Variants in CNBP observed in about 807,000 individuals in gnomAD.
The protein encoded by CNBP is CCHC-type zinc finger nucleic acid binding protein, also known as cellular nucleic acid-binding protein.
CNBP carries 6 observed loss-of-function variants against 21.2 expected under a neutral mutation model. The ratio of observed to expected loss-of-function variants is 0.28; its 90% confidence interval spans 0.16 to 0.56. The LOEUF is 0.56. Among genes scored for constraint, CNBP ranks in the 20% least tolerant of loss-of-function variants. The probability of loss-of-function intolerance (pLI) is 0.93; values close to 1 mark genes in which losing one functional copy is unlikely to be tolerated. For missense variants in CNBP, 112 were observed against 233.1 expected (o/e 0.48, Z 3.38); for synonymous variants, 61 against 74.9 (o/e 0.81, Z 0.96).
rs1201332172 is a variant in CNBP at position 129,170,552 on chromosome 3, A to G, written c.435T>C (p.His145=). ...TTGTCTTGCTGCAGTTGATGGCTACATGACCAGTTTCACCACACCTAAAAA... is the reference window on the plus strand; with the variant it reads ...TTGTCTTGCTGCAGTTGATGGCTACGTGACCAGTTTCACCACACCTAAAAA... ...VKCYRCGETG[H]VAINCSKTSE... is the part of the protein sequence containing the mutation. Residue 145 remains histidine (H), a synonymous_variant, in exon 5 of 5, where the codon CAT becomes CAC. Transcript: ENST00000422453. 6.8e-6 allele frequency: 11 copies of G among 1,614,208 alleles called. No individual in the cohort carries two copies. The highest frequency in any genetic ancestry group is 5.3e-5 in the African/African-American group (4 of 75,066).
At position 129,169,171 on chromosome 3, in the gene CNBP, G is replaced by A. The variant is rs1355166578; in HGVS notation, c.*1282C>T. 3.9e-5 allele frequency among the ~76,000 whole-genome samples: 6 copies of A among 152,100 alleles called. No homozygotes were observed. The East Asian group carries it at 1.2e-3, about 29-fold the overall frequency. ...TAGCGGGGGGTGGTGGCGGGTGCCT[G>A]TAATCCCAGCTACTCAGGAGGCTGA... On this transcript the variant is annotated 3_prime_UTR_variant, in exon 5 of 5. Coordinates refer to ENST00000422453, the MANE Select transcript of CNBP (RefSeq NM_003418.5).
rs1428868785 is a variant in CNBP, at chr3:129,183,862, G to A, written c.-101C>T. The A allele has an allele frequency of 6.5e-6, 1 of 152,808 alleles. No homozygotes were observed. Among genetic ancestry groups the A allele is most frequent in the Non-Finnish European group, 1.5e-5 (1 of 68,168 alleles). The allele number at this position is 152,808 out of a possible 1,614,324, so 9.5% of individuals were successfully genotyped here. A position where few individuals can be genotyped will look rare whatever the true frequency, so the allele number is the denominator to read the frequency against. ...TCGCAAGGTAGAGGCTGTTTATTTT[G>A]AGGGTCCTTGCCTGCGCCACACGCG... On this transcript the variant is annotated 5_prime_UTR_variant, in exon 1 of 5. Coordinates refer to ENST00000422453, the MANE Select transcript of CNBP (RefSeq NM_003418.5).
Position 129,172,596 on chromosome 3 carries a change from G to C in CNBP, c.-14-825C>G, listed in dbSNP as rs569356364. Among the ~76,000 whole-genome samples, 6 of 34,328 alleles carry C rather than the reference G, an allele frequency of 1.7e-4. No individual in the cohort carries two copies. The Admixed American group carries it at 1.8e-3, about 10-fold the overall frequency. The allele number at this position is 34,328 out of a possible 152,430, so 22.5% of individuals were successfully genotyped here. A position where few individuals can be genotyped will look rare whatever the true frequency, so the allele number is the denominator to read the frequency against. On this transcript the variant is annotated intron_variant, in intron 1 of 4. Transcript: ENST00000422453. ...GACAGACAGGCAGGCAGGCAGGCAG[G>C]CAGGCAGGCAGACAGGCAGACAGGC...
intron 1 of CNBP, among the ~76,000 whole-genome samples, chr3:129,177,455 G>T (rs1000546342): frequency 2.5e-4 from 38 of 152,182 alleles, no homozygotes; most frequent in African/African-American, 9.2e-4. Flanking sequence ...TAATAAAACT[G>T]ATGTGTGTGG....
intron 1 of CNBP, among the ~76,000 whole-genome samples, chr3:129,180,983 T>C (rs1259495788): frequency 6.6e-6 from 1 of 151,964 alleles, no homozygotes; most frequent in Non-Finnish European, 1.5e-5. Flanking sequence ...CTCAGGCCTG[T>C]AATCCCAGCA....
intron 1 of CNBP, among the ~76,000 whole-genome samples, chr3:129,182,494 C>T (rs533259380): frequency 2.0e-5 from 3 of 152,204 alleles, no homozygotes; most frequent in African/African-American, 7.2e-5. Context: ...CAAGCCTTAC[C>T]CATAATAAAA....
At chr3:129,171,911 G>T in intron 1 of CNBP, 140 bp from the exon 2 acceptor site, 2 of 943,456 alleles carry the variant, frequency 2.1e-6, no homozygotes, top group South Asian at 1.8e-5. Context: ...TGGGCATGGT[G>T]GCTCACGCCA....
chr3:129,176,087 A>G (rs1016862246), intron 1 of CNBP, among the ~76,000 whole-genome samples: 4 of 152,190 alleles, frequency 2.6e-5, no homozygotes, highest in African/African-American at 9.7e-5. Context: ...CACTCATCTC[A>G]TATGAACATT....
Position 129,171,154 on chromosome 3 carries a change from G to A in CNBP, c.341C>T (p.Ala114Val). ...PGHLARDCDH[A>V]DEQKCYSCGE... ...ACAAGAATAGCATTTCTGCTCATCT[G>A]CATGGTCGCAGTCACGAGCCAGATG... Residue 114 changes from alanine to valine, a missense_variant, in exon 4 of 5, where the codon GCA (alanine) becomes GTA (valine). Physicochemically the swap from Ala to Val is moderately conservative, Grantham distance 64. Transcript: ENST00000422453. 6.2e-7 allele frequency: 1 copy of A among 1,614,224 alleles called. No individual in the cohort carries two copies. Among genetic ancestry groups the A allele is most frequent in the South Asian group, 1.1e-5 (1 of 91,088 alleles).
chr3:129,174,389 G>A (rs1025170768), intron 1 of CNBP, among the ~76,000 whole-genome samples: 2 of 148,170 alleles, frequency 1.3e-5, no homozygotes, highest in Admixed American at 1.4e-4. Flanking sequence ...TGGCGGGCAG[G>A]GCACGGTGGC....
rs12633752 is a variant in CNBP, at chr3:129,168,684, A to G, written c.*1769T>C. On this transcript the variant is annotated 3_prime_UTR_variant, in exon 5 of 5. Coordinates refer to ENST00000422453, the MANE Select transcript of CNBP (RefSeq NM_003418.5). Reference sequence around the variant, plus strand: ...GTATTAAAACTGTTCAGAATCGGCCAGACACGGTGGCTCGCACCTGTAACA... The same window carrying G: ...GTATTAAAACTGTTCAGAATCGGCCGGACACGGTGGCTCGCACCTGTAACA... 0.92 allele frequency among the ~76,000 whole-genome samples: 135,113 copies of G among 147,390 alleles called. 62,318 individuals are homozygous for G. Among genetic ancestry groups the G allele is most frequent in the Non-Finnish European group, 0.98 (66,039 of 67,642 alleles).
chr3:129,182,380 T>C (rs955128363), intron 1 of CNBP, among the ~76,000 whole-genome samples: 4 of 152,218 alleles, frequency 2.6e-5, no homozygotes, highest in Non-Finnish European at 5.9e-5. Context: ...AGACGATTAC[T>C]GAGCAATGTT....
At chr3:129,182,924 C>A (rs1293722106) in intron 1 of CNBP, among the ~76,000 whole-genome samples, 1 of 140,138 alleles carries the variant, frequency 7.1e-6, no homozygotes, top group Admixed American at 7.5e-5. Flanking sequence ...AAGGCTTCTT[C>A]AGGAACCCTT....
intron 4 of CNBP, 145 bp downstream of exon 4, chr3:129,170,934 T>G: frequency 1.3e-6 from 1 of 751,940 alleles, no homozygotes; most frequent in East Asian, 2.7e-5. Context: ...ACAGATAGAC[T>G]GCCAGTTACA....
At chr3:129,170,631 A>G in intron 4 of CNBP, 61 bp from the exon 5 acceptor site, 8 of 1,308,624 alleles carry the variant, frequency 6.1e-6, no homozygotes, top group Non-Finnish European at 1.1e-6. Flanking sequence ...TACCAAAGCA[A>G]CAGTCACCAT....
intron 1 of CNBP, among the ~76,000 whole-genome samples, chr3:129,175,849 A>G (rs191092230): frequency 4.6e-4 from 70 of 152,330 alleles, no homozygotes; most frequent in Admixed American, 1.5e-3. Context: ...CATCAACATG[A>G]CACGTGATTT....
At position 129,167,840 on chromosome 3, in the gene CNBP, ATATT is replaced by A. The variant is rs1200763411; in HGVS notation, c.*2609_*2612del. ...TATGGTAGAAAATAAAATTGTCAAG[ATATT>A]TATTGTGTTAACATGTGAGACATAC... On this transcript the variant is annotated 3_prime_UTR_variant, in exon 5 of 5. Coordinates refer to ENST00000422453, the MANE Select transcript of CNBP (RefSeq NM_003418.5). 6.6e-6 allele frequency among the ~76,000 whole-genome samples: 1 copy of A among 152,346 alleles called. No homozygotes were observed.
chr3:129,171,406 A>T (rs773541879), intron 3 of CNBP, 40 bp downstream of exon 3: 25 of 1,593,410 alleles, frequency 1.6e-5, no homozygotes, highest in Non-Finnish European at 2.1e-5. Context: ...CACCTCTCCA[A>T]GCTCTAGAGG....
chr3:129,171,897 T>A (rs910652099), intron 1 of CNBP, 126 bp from the exon 2 acceptor site: 1 of 1,072,306 alleles, frequency 9.3e-7, no homozygotes, highest in Non-Finnish European at 1.3e-6. Flanking sequence ...GTTAAAAAAA[T>A]AGCTGGGCAT....
Sources: gnomAD v4.1 joint callset for allele counts (sites outside exome capture counted in the v4.1 genomes callset) on GRCh38, gnomAD v4.1.1 for gene constraint, MANE v1.5 for transcripts, NCBI Gene and HGNC (gene_info 2026-07-23, HGNC 2026-07-21) for gene names.